RIMS1: variants seen among roughly 807,000 people sequenced by gnomAD.
RIMS1 encodes the protein regulating synaptic membrane exocytosis protein 1.
In RIMS1, 83 loss-of-function variants were observed where a neutral mutation model predicts 214.1. The observed-to-expected ratio is 0.39, with a 90% CI of 0.32 to 0.47. The LOEUF is 0.47. Ranked by LOEUF, RIMS1 falls within the 20% of genes least tolerant of loss-of-function variation. RIMS1 has a pLI of 0.99. For synonymous variants in RIMS1, 793 were observed against 786.8 expected, an observed-to-expected ratio of 1.01 and a Z score of -0.13; for missense variants, 2,050 against 2,161.8, an observed-to-expected ratio of 0.95 and a Z score of 1.03.
intron 1 of RIMS1, among the ~76,000 whole-genome samples, chr6:71,902,510 C>T (rs754773139): frequency 5.3e-5 from 8 of 151,988 alleles, no homozygotes; most frequent in Non-Finnish European, 1.2e-4. Context: ...CAACAATTTC[C>T]TATGTATGTG....
At chr6:72,340,700 T>C (rs574762611) in intron 29 of RIMS1, among the ~76,000 whole-genome samples, 10 of 152,244 alleles carry the variant, frequency 6.6e-5, no homozygotes, top group South Asian at 4.1e-4. Context: ...GTAGTATAGT[T>C]TGAAGTCAGG....
chr6:72,023,160 T>A (rs144517763), intron 2 of RIMS1, among the ~76,000 whole-genome samples: 121 of 152,276 alleles, frequency 7.9e-4, no homozygotes, highest in African/African-American at 2.7e-3. Flanking sequence ...GGGAAGCTTT[T>A]CAATGTGATT....
At chr6:72,360,427 A>G (rs1220321724) in intron 29 of RIMS1, among the ~76,000 whole-genome samples, 1 of 152,162 alleles carries the variant, frequency 6.6e-6, no homozygotes, top group African/African-American at 2.4e-5. Context: ...TATTACTTGG[A>G]ATCTGTATTT....
At chr6:72,128,239 CT>C (rs2039909246) in intron 4 of RIMS1, among the ~76,000 whole-genome samples, 1 of 151,966 alleles carries the variant, frequency 6.6e-6, no homozygotes, top group African/African-American at 2.4e-5. Flanking sequence ...CTTATTTAAC[CT>C]TAAAAAAGAT....
intron 29 of RIMS1, among the ~76,000 whole-genome samples, chr6:72,348,333 C>T (rs982222346): frequency 6.6e-5 from 10 of 151,792 alleles, no homozygotes; most frequent in Non-Finnish European, 1.3e-4. Flanking sequence ...GGAGGGATAG[C>T]TTTGATTTTG....
chr6:72,146,493 C>G (rs1002997095), intron 4 of RIMS1, among the ~76,000 whole-genome samples: 6 of 152,110 alleles, frequency 3.9e-5, no homozygotes, highest in African/African-American at 1.2e-4. Flanking sequence ...TCTTATAAAT[C>G]TTTTATAAAC....
rs370898592 is a variant in RIMS1 at position 71,974,862 on chromosome 6, A to T, written c.245+5799A>T. On this transcript the variant is annotated intron_variant, in intron 2 of 33. Coordinates refer to ENST00000521978, the MANE Select transcript of RIMS1 (RefSeq NM_014989.7). The stretch of plus-strand genomic sequence containing the variant: ...CTCAGGAGAGACTTAGAAAAGATAC[A>T]TTAATTTGTAAGCAATTACCTTATA... Among the ~76,000 whole-genome samples the T allele has an allele frequency of 1.2e-3, 178 of 152,300 alleles. 1 individual carries two copies. Among genetic ancestry groups the T allele is most frequent in the African/African-American group, 4.1e-3 (170 of 41,570 alleles).
intron 4 of RIMS1, chr6:72,126,761 T>TAAAAAAAA (rs71540329): frequency 9.6e-5 from 12 of 124,548 alleles, no homozygotes; most frequent in African/African-American, 1.1e-4. Flanking sequence ...ATTAAAAAGT[T>TAAAAAAAA]AAAAAAAAAA....
intron 6 of RIMS1, among the ~76,000 whole-genome samples, chr6:72,223,721 G>A (rs2059262744): frequency 6.6e-6 from 1 of 152,046 alleles, no homozygotes; most frequent in Non-Finnish European, 1.5e-5. Context: ...GCTGAGGTGG[G>A]TGGATCACGA....
intron 30 of RIMS1, among the ~76,000 whole-genome samples, chr6:72,392,456 A>G (rs143790205): frequency 6.6e-6 from 1 of 152,298 alleles, no homozygotes; most frequent in East Asian, 1.9e-4. Flanking sequence ...TATATTAAAA[A>G]CTATAACTGA....
chr6:72,059,268 C>G (rs1419304482), intron 2 of RIMS1, among the ~76,000 whole-genome samples: 1 of 152,074 alleles, frequency 6.6e-6, no homozygotes, highest in Admixed American at 6.5e-5. Flanking sequence ...GCTCTGTTGC[C>G]CACGCTGCAG....
At chr6:72,161,502 C>G (rs1287250275) in intron 4 of RIMS1, among the ~76,000 whole-genome samples, 1 of 140,236 alleles carries the variant, frequency 7.1e-6, no homozygotes, top group Non-Finnish European at 1.6e-5. Context: ...TTAGATCTTT[C>G]CTGCTTTCTC....
At chr6:72,196,377 G>GTCTATCTA (rs3047577) in intron 6 of RIMS1, among the ~76,000 whole-genome samples, 238 of 144,082 alleles carry the variant, frequency 1.7e-3, no homozygotes, top group African/African-American at 5.5e-3. Context: ...CTGTCTGTCT[G>GTCTATCTA]TCTATCTATC....
At chr6:72,027,262 T>TG (rs1816793339) in intron 2 of RIMS1, among the ~76,000 whole-genome samples, 2 of 152,142 alleles carry the variant, frequency 1.3e-5, no homozygotes, top group South Asian at 4.1e-4. Context: ...GGAGGCCTTG[T>TG]GGTTCATTAG....
intron 2 of RIMS1, among the ~76,000 whole-genome samples, chr6:71,985,780 T>G (rs1799765608): frequency 6.6e-6 from 1 of 152,210 alleles, no homozygotes; most frequent in South Asian, 2.1e-4. Flanking sequence ...TTTGTAAATG[T>G]TCTTTCCTCT....
intron 29 of RIMS1, among the ~76,000 whole-genome samples, chr6:72,344,481 G>A (rs749232411): frequency 4.0e-5 from 6 of 151,726 alleles, no homozygotes; most frequent in Non-Finnish European, 7.4e-5. Context: ...GAAACTGAAA[G>A]CTACAGTGGA....
chr6:72,312,332 C>A (rs1443573799), intron 27 of RIMS1, among the ~76,000 whole-genome samples: 1 of 152,036 alleles, frequency 6.6e-6, no homozygotes, highest in Non-Finnish European at 1.5e-5. Context: ...GTTATAGTAT[C>A]TTACCTTCCA....
intron 1 of RIMS1, among the ~76,000 whole-genome samples, chr6:71,899,451 T>C (rs936889396): frequency 6.6e-6 from 1 of 151,750 alleles, no homozygotes; most frequent in Non-Finnish European, 1.5e-5. Context: ...TACTCACATA[T>C]ATATCTAAGA....
At chr6:72,097,838 A>G (rs957610374) in intron 3 of RIMS1, among the ~76,000 whole-genome samples, 5 of 152,218 alleles carry the variant, frequency 3.3e-5, no homozygotes, top group African/African-American at 1.2e-4. Flanking sequence ...TTAAGATGCT[A>G]ATATGATAGG....
Sources: gnomAD v4.1 joint callset for allele counts (sites outside exome capture counted in the v4.1 genomes callset) on GRCh38, gnomAD v4.1.1 for gene constraint, MANE v1.5 for transcripts, NCBI Gene and HGNC (gene_info 2026-07-23, HGNC 2026-07-21) for gene names.